CDH19: variants seen among roughly 807,000 people sequenced by gnomAD.
CDH19 encodes cadherin-19.
Under a neutral mutation model 64.2 loss-of-function variants are expected in CDH19, and 67 were observed. The ratio of observed to expected loss-of-function variants is 1.04; its 90% CI spans 0.86 to 1.28. The LOEUF (loss-of-function observed/expected upper bound fraction) is 1.28. CDH19 is among the 50% of genes most tolerant of loss of function. The pLI, the probability that CDH19 is intolerant of heterozygous loss-of-function variation, is 0.00. For missense variants in CDH19, 1,030 were observed against 929.0 expected, an observed-to-expected ratio of 1.11 and a Z score of -1.41; for synonymous variants, 346 against 319.3, an observed-to-expected ratio of 1.08 and a Z score of -0.89.
chr18:66,526,842 A>T (rs867005923), intron 9 of CDH19, among the ~76,000 whole-genome samples: 11 of 151,812 alleles, frequency 7.2e-5, no homozygotes, highest in South Asian at 2.1e-4. Context: ...CTTTTTTTTT[A>T]AAATTGTGTT....
chr18:66,567,781 T>C (rs1332957552), intron 3 of CDH19, among the ~76,000 whole-genome samples: 5 of 151,678 alleles, frequency 3.3e-5, no homozygotes, highest in African/African-American at 7.3e-5. Context: ...CTGAGAGAAG[T>C]TGTGCATAAT....
intron 7 of CDH19, among the ~76,000 whole-genome samples, chr18:66,542,848 G>A (rs1374857250): frequency 6.6e-6 from 1 of 152,158 alleles, no homozygotes; most frequent in Non-Finnish European, 1.5e-5. Flanking sequence ...AGAATCCAAT[G>A]CCAGATAAAC....
chr18:66,510,309 C>T (rs1216218300), intron 10 of CDH19, among the ~76,000 whole-genome samples: 1 of 151,352 alleles, frequency 6.6e-6, no homozygotes, highest in Admixed American at 6.6e-5. Context: ...ACAGTTGACA[C>T]TTTTTAAATA....
At chr18:66,547,708 C>T (rs1299551168) in intron 5 of CDH19, among the ~76,000 whole-genome samples, 1 of 132,778 alleles carries the variant, frequency 7.5e-6, no homozygotes, top group East Asian at 2.2e-4. Context: ...CGCTCTGTCG[C>T]CCAGGCTGGA....
chr18:66,544,971 T>G, intron 5 of CDH19, 68 bp from the exon 6 acceptor site: 1 of 1,051,778 alleles, frequency 9.5e-7, no homozygotes, highest in Non-Finnish European at 1.3e-6. Flanking sequence ...TTATAGTTTT[T>G]TGTTTGTTTG....
intron 5 of CDH19, among the ~76,000 whole-genome samples, chr18:66,548,013 T>TG (rs1987193676): frequency 1.4e-5 from 2 of 147,744 alleles, no homozygotes; most frequent in Admixed American, 6.8e-5. Flanking sequence ...ATGTAATATA[T>TG]GTGCATTATA....
chr18:66,527,752 C>CTATA (rs112808631), intron 9 of CDH19, among the ~76,000 whole-genome samples: 55 of 149,552 alleles, frequency 3.7e-4, no homozygotes, highest in Admixed American at 1.3e-3. Context: ...AAAGCTCCAT[C>CTATA]TATATATATA....
At position 66,545,449 on chromosome 18, in the gene CDH19, A is replaced by G. The variant is rs539731898; in HGVS notation, c.776-546T>C. On this transcript the variant is annotated intron_variant, in intron 5 of 11. Coordinates refer to ENST00000262150, the MANE Select transcript of CDH19 (RefSeq NM_021153.4). ...CCTTCCTCTCTCTGCCCCCATATAT[A>G]GTCTCTTTCCCTTTCTTTTTGAAAT... Among the ~76,000 whole-genome samples, 10 of 146,146 alleles carry G rather than the reference A, an allele frequency of 6.8e-5. No individual in the cohort carries two copies. The East Asian group carries it at 1.8e-3, about 26-fold the overall frequency.
intron 3 of CDH19, among the ~76,000 whole-genome samples, chr18:66,557,321 C>G (rs988819742): frequency 6.6e-6 from 1 of 151,984 alleles, no homozygotes; most frequent in Non-Finnish European, 1.5e-5. Context: ...CATGCCAGAG[C>G]AGGTGAACAT....
chr18:66,595,427 T>C (rs1257504845), intron 1 of CDH19, among the ~76,000 whole-genome samples: 1 of 135,304 alleles, frequency 7.4e-6, no homozygotes, highest in Non-Finnish European at 1.5e-5. Context: ...ATTAGTATAG[T>C]ACTAGAAGAC....
At chr18:66,584,713 C>T (rs1454053507) in intron 1 of CDH19, among the ~76,000 whole-genome samples, 2 of 152,062 alleles carry the variant, frequency 1.3e-5, no homozygotes, top group Non-Finnish European at 2.9e-5. Context: ...AAATATTATG[C>T]AGTCTGATTT....
In CDH19 at chr18:66,544,882, G is replaced by C. The variant is rs576081990; in HGVS notation, c.797C>G (p.Ser266Cys). The C allele has an allele frequency of 1.2e-5, 19 of 1,609,270 alleles. 1 individual carries two copies. The African/African-American group carries it at 1.3e-4, about 11-fold the overall frequency. Residue 266 changes from serine (S) to cysteine (C), a missense_variant, in exon 6 of 12, where the codon TCT becomes TGT. Transcript: ENST00000262150. Reference sequence around the variant, plus strand: ...AGAAGTCCCAGTGGGTGCAGATTCAGAGACAGTCAAGCGGTATAAACCTTT... The same window carrying C: ...AGAAGTCCCAGTGGGTGCAGATTCACAGACAGTCAAGCGGTATAAACCTTT... ...FKESLYRLTVSESAPTGTSIG... is the reference protein window; with the variant it reads ...FKESLYRLTVCESAPTGTSIG...
chr18:66,519,419 A>C (rs935850100), intron 9 of CDH19, among the ~76,000 whole-genome samples: 1 of 152,112 alleles, frequency 6.6e-6, no homozygotes, highest in African/African-American at 2.4e-5. Flanking sequence ...AAATGAGGAG[A>C]TTAGTATTCA....
intron 2 of CDH19, among the ~76,000 whole-genome samples, chr18:66,569,350 C>A (rs981293745): frequency 1.3e-5 from 2 of 151,440 alleles, no homozygotes; most frequent in Non-Finnish European, 3.0e-5. Flanking sequence ...TTTTGTTTTA[C>A]AAACTTTTTT....
At chr18:66,509,847 G>T (rs1290563617) in intron 10 of CDH19, among the ~76,000 whole-genome samples, 1 of 151,768 alleles carries the variant, frequency 6.6e-6, no homozygotes, top group African/African-American at 2.4e-5. Flanking sequence ...TCACTTGGTA[G>T]ACAAGATCCT....
At chr18:66,573,272 C>T (rs1043763422) in intron 1 of CDH19, among the ~76,000 whole-genome samples, 2 of 151,598 alleles carry the variant, frequency 1.3e-5, no homozygotes, top group Non-Finnish European at 3.0e-5. Context: ...AGCCAGAGTT[C>T]ATGTTAGGAC....
At position 66,593,551 on chromosome 18, in the gene CDH19, T is replaced by C. The variant is rs538228330; in HGVS notation, c.-113+10403A>G. The stretch of plus-strand genomic sequence containing the variant: ...TAGTAGTCGAAAAAACCTCAGGGTA[T>C]CAAGAAAGTAGAGTTCTACATCACA... On this transcript the variant is annotated intron_variant, in intron 1 of 11. Coordinates refer to ENST00000262150, the MANE Select transcript of CDH19 (RefSeq NM_021153.4). Among the ~76,000 whole-genome samples, 102 of 152,090 alleles carry C rather than the reference T, an allele frequency of 6.7e-4. No individual in the cohort carries two copies. In the South Asian group the frequency reaches 0.02, roughly 30 times the overall value.
At chr18:66,516,664 T>A (rs1460192653) in intron 9 of CDH19, among the ~76,000 whole-genome samples, 1 of 152,046 alleles carries the variant, frequency 6.6e-6, no homozygotes, top group East Asian at 1.9e-4. Context: ...ATAAATATAA[T>A]TGATTTATAA....
chr18:66,532,032 T>G (rs1986463136), intron 8 of CDH19, among the ~76,000 whole-genome samples: 1 of 152,126 alleles, frequency 6.6e-6, no homozygotes, highest in Non-Finnish European at 1.5e-5. Flanking sequence ...AGTGGCAGGA[T>G]CCCAGCTCAC....
Sources: gnomAD v4.1 joint callset for allele counts (sites outside exome capture counted in the v4.1 genomes callset) on GRCh38, gnomAD v4.1.1 for gene constraint, MANE v1.5 for transcripts, NCBI Gene and HGNC (gene_info 2026-07-23, HGNC 2026-07-21) for gene names.